ARL15: variants seen among roughly 807,000 people sequenced by gnomAD.
The protein encoded by ARL15 is ARF like GTPase 15.
A neutral mutation model predicts 25.2 loss-of-function variants in ARL15; 19 were observed. That is an observed-to-expected ratio of 0.75 (90% CI 0.53 to 1.10). The LOEUF is 1.10. Among genes scored for constraint, ARL15 ranks in the 50% least tolerant of loss-of-function variants. The pLI is 0.00. For synonymous variants in ARL15, 94 were observed against 86.8 expected (o/e 1.08, Z -0.46); for missense variants, 220 against 246.0 (o/e 0.89, Z 0.71).
intron 4 of ARL15, among the ~76,000 whole-genome samples, chr5:54,074,288 G>A (rs867609488): frequency 6.6e-6 from 1 of 152,178 alleles, no homozygotes; most frequent in African/African-American, 2.4e-5. Flanking sequence ...CTACTTCACA[G>A]TGTGGCTGTG....
At chr5:54,265,243 T>C (rs1561288047) in intron 1 of ARL15, among the ~76,000 whole-genome samples, 4 of 152,230 alleles carry the variant, frequency 2.6e-5, no homozygotes, top group Admixed American at 6.5e-5. Flanking sequence ...AGTACAATTG[T>C]TATATTTTAC....
At chr5:54,185,408 T>C (rs1755209829) in intron 1 of ARL15, among the ~76,000 whole-genome samples, 1 of 152,208 alleles carries the variant, frequency 6.6e-6, no homozygotes, top group African/African-American at 2.4e-5. Context: ...ATCTTTTCTA[T>C]TTCACTGTCA....
At chr5:53,957,981 G>A (rs778220469) in intron 4 of ARL15, among the ~76,000 whole-genome samples, 12 of 152,122 alleles carry the variant, frequency 7.9e-5, no homozygotes, top group Admixed American at 3.9e-4. Context: ...AGGCCAAGGC[G>A]GGTGGATCAC....
chr5:54,179,212 G>A (rs533473614), intron 1 of ARL15, among the ~76,000 whole-genome samples: 9 of 152,176 alleles, frequency 5.9e-5, no homozygotes, highest in Non-Finnish European at 1.3e-4. Flanking sequence ...TTGATAGAGG[G>A]CAACAAAGAG....
rs1247445832 is a variant in ARL15 at position 54,239,208 on chromosome 5, G to A, written c.49-67280C>T. Among the ~76,000 whole-genome samples the A allele has an allele frequency of 2.7e-5, 4 of 147,918 alleles. No homozygotes were observed. In the South Asian group the frequency reaches 8.8e-4, roughly 33 times the overall value. ...TTGACTTATCTTTGGGCAATGGCAA[G>A]GGAAAAGGCTTTTATGAATGCCATT... On this transcript the variant is annotated intron_variant, in intron 1 of 4. Transcript: ENST00000504924.
At chr5:54,210,048 C>T (rs1242056000) in intron 1 of ARL15, among the ~76,000 whole-genome samples, 1 of 152,102 alleles carries the variant, frequency 6.6e-6, no homozygotes, top group African/African-American at 2.4e-5. Context: ...TTCTTTGTGT[C>T]CTAATATTTG....
chr5:53,958,133 C>G (rs1434011831), intron 4 of ARL15, among the ~76,000 whole-genome samples: 1 of 151,112 alleles, frequency 6.6e-6, no homozygotes, highest in Non-Finnish European at 1.5e-5. Flanking sequence ...TCGCTTGAGC[C>G]TGGGAGGAGG....
At chr5:54,052,820 A>G (rs1750739903) in intron 4 of ARL15, among the ~76,000 whole-genome samples, 5 of 152,140 alleles carry the variant, frequency 3.3e-5, no homozygotes, top group Admixed American at 3.3e-4. Context: ...CCCCAGTGGC[A>G]CACAGGGCAC....
At chr5:53,985,506 T>C (rs1053498482) in intron 4 of ARL15, among the ~76,000 whole-genome samples, 1 of 152,170 alleles carries the variant, frequency 6.6e-6, no homozygotes, top group Non-Finnish European at 1.5e-5. Context: ...CATTATCCTT[T>C]CTGTCTCTGT....
At chr5:54,053,476 T>C (rs551855707) in intron 4 of ARL15, among the ~76,000 whole-genome samples, 26 of 151,408 alleles carry the variant, frequency 1.7e-4, no homozygotes, top group African/African-American at 6.1e-4. Flanking sequence ...TTCCAAACAG[T>C]AGAGTATGAA....
intron 1 of ARL15, chr5:54,286,389 T>A (rs2112678960): frequency 6.6e-6 from 1 of 152,288 alleles, no homozygotes; most frequent in Non-Finnish European, 1.5e-5. Flanking sequence ...ATGGAATATG[T>A]AAGAGTTCAA....
intron 1 of ARL15, among the ~76,000 whole-genome samples, chr5:54,235,846 A>T (rs575389492): frequency 2.9e-4 from 44 of 152,198 alleles, no homozygotes; most frequent in Non-Finnish European, 4.6e-4. Flanking sequence ...AGGGCATTTG[A>T]CTATACTTCT....
intron 1 of ARL15, among the ~76,000 whole-genome samples, chr5:54,186,207 T>C (rs1278637960): frequency 6.6e-6 from 1 of 152,216 alleles, no homozygotes; most frequent in East Asian, 1.9e-4. Context: ...CACACTGCTT[T>C]AACTGCTGAC....
chr5:54,018,722 T>G (rs2111826147), intron 4 of ARL15, among the ~76,000 whole-genome samples: 1 of 152,302 alleles, frequency 6.6e-6, no homozygotes, highest in African/African-American at 2.4e-5. Flanking sequence ...TCTACATGTA[T>G]TTACATTCCA....
intron 1 of ARL15, among the ~76,000 whole-genome samples, chr5:54,172,530 T>G (rs1754750446): frequency 2.0e-5 from 3 of 152,140 alleles, no homozygotes; most frequent in Non-Finnish European, 1.5e-5. Context: ...ATTTAATCAA[T>G]GTACTGTGGT....
intron 4 of ARL15, among the ~76,000 whole-genome samples, chr5:54,062,843 G>A (rs953985448): frequency 1.3e-5 from 2 of 152,272 alleles, no homozygotes; most frequent in East Asian, 3.9e-4. Context: ...TCCTCATCAG[G>A]AAGCCCACAA....
At chr5:54,119,955 T>C (rs1753022999) in intron 3 of ARL15, among the ~76,000 whole-genome samples, 2 of 152,196 alleles carry the variant, frequency 1.3e-5, no homozygotes, top group African/African-American at 4.8e-5. Flanking sequence ...CCCTGTAGCA[T>C]AGTAATCTAA....
At chr5:54,119,824 C>A (rs189726405) in intron 3 of ARL15, among the ~76,000 whole-genome samples, 4 of 152,244 alleles carry the variant, frequency 2.6e-5, no homozygotes, top group Middle Eastern at 6.8e-3. Flanking sequence ...CCACTACATG[C>A]GCTTCAGGGG....
At chr5:54,196,371 A>G (rs1259877979) in intron 1 of ARL15, among the ~76,000 whole-genome samples, 1 of 151,572 alleles carries the variant, frequency 6.6e-6, no homozygotes, top group African/African-American at 2.4e-5. Flanking sequence ...TTTGATTCCC[A>G]CTCCAACACT....
Sources: allele counts gnomAD v4.1 joint callset (sites outside exome capture counted in the v4.1 genomes callset), GRCh38; gene constraint gnomAD v4.1.1; transcripts MANE v1.5; gene names NCBI Gene and HGNC (gene_info 2026-07-23, HGNC 2026-07-21).